NUP37: variants seen among roughly 807,000 people sequenced by gnomAD.
The protein encoded by NUP37 is nucleoporin 37, also known as nucleoporin Nup37.
A neutral mutation model predicts 45.4 loss-of-function variants in NUP37; 33 were observed. The ratio of observed to expected loss-of-function variants is 0.73; its 90% CI spans 0.55 to 0.97. The LOEUF (loss-of-function observed/expected upper bound fraction) is 0.97, where lower values mean the gene tolerates loss of function less well. Ranked by LOEUF, NUP37 falls within the 50% of genes least tolerant of loss-of-function variation. NUP37 has a pLI of 0.00. For synonymous variants in NUP37, 127 were observed against 130.7 expected, an observed-to-expected ratio of 0.97 and a Z score of 0.19; for missense variants, 365 against 389.7, an observed-to-expected ratio of 0.94 and a Z score of 0.53.
chr12:102,101,290 AAGT>A (rs968520336), intron 3 of NUP37, among the ~76,000 whole-genome samples, 186 bp from the exon 4 acceptor site: 1 of 152,222 alleles, frequency 6.6e-6, no homozygotes, highest in Non-Finnish European at 1.5e-5. Flanking sequence ...CCATCACAGA[AAGT>A]AGGAGTCATA....
At chr12:102,110,409 G>A (rs1880279729) in intron 3 of NUP37, among the ~76,000 whole-genome samples, 1 of 151,896 alleles carries the variant, frequency 6.6e-6, no homozygotes, top group Admixed American at 6.6e-5. Flanking sequence ...GCGGAGGTGA[G>A]AGGGAGGGTT....
intron 2 of NUP37, 71 bp downstream of exon 2, chr12:102,118,292 A>T: frequency 1.5e-6 from 2 of 1,377,264 alleles, no homozygotes; most frequent in Non-Finnish European, 2.0e-6. Flanking sequence ...CAAAGTTTAG[A>T]TTTGGTTTGT....
intron 5 of NUP37, among the ~76,000 whole-genome samples, chr12:102,096,412 T>C (rs1252940046): frequency 1.3e-5 from 2 of 152,176 alleles, no homozygotes; most frequent in African/African-American, 4.8e-5. Flanking sequence ...AATTTGGCAA[T>C]TTTCAATACA....
intron 5 of NUP37, among the ~76,000 whole-genome samples, chr12:102,091,215 G>T (rs1037705466): frequency 2.6e-5 from 4 of 151,618 alleles, no homozygotes; most frequent in Non-Finnish European, 5.9e-5. Flanking sequence ...TGACCAATAT[G>T]GTGAAACCCT....
At chr12:102,091,607 G>A (rs183102443) in intron 5 of NUP37, among the ~76,000 whole-genome samples, 52 of 152,016 alleles carry the variant, frequency 3.4e-4, no homozygotes, top group Non-Finnish European at 6.6e-4. Flanking sequence ...TGTTTGCAAG[G>A]GAAATTTAAA....
intron 3 of NUP37, among the ~76,000 whole-genome samples, chr12:102,105,621 C>G (rs1167664828): frequency 6.6e-6 from 1 of 151,920 alleles, no homozygotes; most frequent in Non-Finnish European, 1.5e-5. Context: ...CCTAGCACTT[C>G]CGGTGGCCAA....
At chr12:102,118,250 T>C (rs982972284) in intron 2 of NUP37, 113 bp downstream of exon 2, 4 of 1,056,618 alleles carry the variant, frequency 3.8e-6, no homozygotes, top group Non-Finnish European at 1.4e-6. Context: ...TCTTATCTTT[T>C]TTTTTTTTAA....
chr12:102,079,167 T>C (rs1251213888), intron 6 of NUP37: 1 of 454,828 alleles, frequency 2.2e-6, no homozygotes, highest in Admixed American at 2.4e-5. Flanking sequence ...TCAAAACTCC[T>C]GAGCTGTACC....
At chr12:102,082,461 CAAT>C (rs1255485318) in intron 6 of NUP37, among the ~76,000 whole-genome samples, 1 of 152,146 alleles carries the variant, frequency 6.6e-6, no homozygotes, top group Non-Finnish European at 1.5e-5. Context: ...GTTATTGCTG[CAAT>C]AATAGTATCA....
intron 6 of NUP37, among the ~76,000 whole-genome samples, chr12:102,085,064 T>C (rs547773433): frequency 6.6e-6 from 1 of 152,304 alleles, no homozygotes; most frequent in Admixed American, 6.5e-5. Flanking sequence ...GTTCACACAG[T>C]AGGGCTCACA....
rs943279410 is a variant in NUP37 at position 102,074,256 on chromosome 12, T to C, written c.*98A>G. 7.8e-6 allele frequency: 5 copies of C among 641,616 alleles called. No individual in the cohort carries two copies. In the African/African-American group the frequency reaches 9.2e-5, roughly 12 times the overall value. 39.7% of individuals were successfully genotyped at this position (641,616 alleles called of 1,614,324 possible). ...GAGACATTTTCTAAAGTATACGGTA[T>C]ATTTGATATAAAAATTCTTCAAAAT... On this transcript the variant is annotated 3_prime_UTR_variant, in exon 10 of 10. Transcript: ENST00000552283.
At chr12:102,096,085 T>C (rs1879795469) in intron 5 of NUP37, among the ~76,000 whole-genome samples, 1 of 152,162 alleles carries the variant, frequency 6.6e-6, no homozygotes, top group Non-Finnish European at 1.5e-5. Context: ...TTGTTTTCCT[T>C]TTATAGAATA....
intron 6 of NUP37, among the ~76,000 whole-genome samples, chr12:102,085,359 C>T (rs1160574147): frequency 1.3e-5 from 2 of 151,902 alleles, no homozygotes; most frequent in African/African-American, 4.8e-5. Flanking sequence ...GAGGCGGAGG[C>T]TGCAATGAGC....
intron 3 of NUP37, among the ~76,000 whole-genome samples, chr12:102,107,853 A>C (rs1880199307): frequency 1.3e-5 from 2 of 152,198 alleles, no homozygotes; most frequent in Admixed American, 6.5e-5. Context: ...CTATAAAAAA[A>C]AGCAAGGAGA....
intron 9 of NUP37, 156 bp from the exon 10 acceptor site, chr12:102,074,623 G>A: frequency 1.8e-6 from 1 of 567,174 alleles, no homozygotes; most frequent in Non-Finnish European, 3.1e-6. Flanking sequence ...ACACATTATT[G>A]ATACGCAGCT....
chr12:102,089,472 GCTC>G (rs1437274900), intron 5 of NUP37, among the ~76,000 whole-genome samples: 7 of 143,780 alleles, frequency 4.9e-5, no homozygotes, highest in African/African-American at 1.6e-4. Context: ...GGGCAGAGGC[GCTC>G]CTCACTTCCC....
At chr12:102,091,337 G>A (rs1879645050) in intron 5 of NUP37, among the ~76,000 whole-genome samples, 1 of 143,124 alleles carries the variant, frequency 7.0e-6, no homozygotes, top group South Asian at 2.2e-4. Context: ...GGCGGAGGTT[G>A]CAGTGAGCTG....
At position 102,079,919 on chromosome 12, in the gene NUP37, C is replaced by T. The variant is rs572312368; in HGVS notation, c.541-2416G>A. On this transcript the variant is annotated intron_variant, in intron 6 of 9. Transcript: ENST00000552283. The stretch of plus-strand genomic sequence containing the variant: ...TCAAACTTTTTGTTGTTCTGTGCTC[C>T]CTGCGTATGTCTGTGACTAAAGAAG... 8.2e-4 allele frequency among the ~76,000 whole-genome samples: 125 copies of T among 152,176 alleles called. 1 individual carries two copies. The South Asian group carries it at 0.014, about 17-fold the overall frequency.
chr12:102,096,101 T>A (rs995793842), intron 5 of NUP37, among the ~76,000 whole-genome samples: 3 of 152,178 alleles, frequency 2.0e-5, no homozygotes, highest in Admixed American at 6.5e-5. Context: ...GAATATATCA[T>A]AAAATTAAGG....
Sources: allele counts gnomAD v4.1 joint callset (sites outside exome capture counted in the v4.1 genomes callset), GRCh38; gene constraint gnomAD v4.1.1; transcripts MANE v1.5; gene names NCBI Gene and HGNC (gene_info 2026-07-23, HGNC 2026-07-21).